The following CCP110 variants were observed in gnomAD, a reference collection of about 807,000 sequenced individuals.
CCP110 encodes centriolar coiled-coil protein 110.
A neutral mutation model predicts 105.5 loss-of-function variants in CCP110; 43 were observed. That is an observed-to-expected ratio of 0.41 (90% CI 0.32 to 0.53). The LOEUF (loss-of-function observed/expected upper bound fraction) is 0.53. Ranked by LOEUF, CCP110 falls within the 20% of genes least tolerant of loss-of-function variation. The pLI is 0.32. For missense variants in CCP110, 1,016 were observed against 1,189.1 expected (o/e 0.85, Z 2.14); for synonymous variants, 353 against 392.1 (o/e 0.90, Z 1.18).
At position 19,536,798 on chromosome 16, in the gene CCP110, CG is replaced by C; in HGVS notation, c.1130del (p.Arg377GlnfsTer14). On this transcript the variant is annotated frameshift_variant, in exon 4 of 15. Transcript: ENST00000381396. LOFTEE classifies it high-confidence loss of function. The stretch of plus-strand genomic sequence containing the variant: ...GCCAAGTATGAGTCCTAAAATGCAC[CG>C]AAGACGTTCCAGGACATCATCAGCG... The C allele has an allele frequency of 6.2e-7, 1 of 1,614,022 alleles. No individual in the cohort carries two copies. The highest frequency in any genetic ancestry group is 8.5e-7 in the Non-Finnish European group (1 of 1,180,022).
intron 1 of CCP110, chr16:19,525,810 G>A (rs1969650955): frequency 6.6e-6 from 1 of 152,586 alleles, no homozygotes; most frequent in African/African-American, 2.4e-5. Flanking sequence ...ACATTTTGGT[G>A]GAGGAAGACA....
At chr16:19,524,167 G>C (rs1969584236) in intron 1 of CCP110, 79 bp downstream of exon 1, 1 of 152,934 alleles carries the variant, frequency 6.5e-6, no homozygotes, top group Non-Finnish European at 1.5e-5. Flanking sequence ...TTGGCGCCCT[G>C]AGAAGCTGAG....
chr16:19,549,726 T>C (rs958804372), intron 14 of CCP110, among the ~76,000 whole-genome samples: 2 of 152,214 alleles, frequency 1.3e-5, no homozygotes, highest in Non-Finnish European at 2.9e-5. Context: ...TCTGTTTTTC[T>C]CATGTTAGTA....
At chr16:19,552,129 A>G (rs771493720) in exon 15 of CCP110, 1 of 152,212 alleles carries the variant, frequency 6.6e-6, no homozygotes, top group Non-Finnish European at 1.5e-5. Context: ...ATAAAGGGCT[A>G]TATAATAATA....
At chr16:19,530,256 A>G (rs1969816833) in intron 2 of CCP110, among the ~76,000 whole-genome samples, 1 of 152,204 alleles carries the variant, frequency 6.6e-6, no homozygotes, top group Non-Finnish European at 1.5e-5. Flanking sequence ...ATTGTCTTGT[A>G]GAATTCCTTA....
At chr16:19,528,362 G>A (rs148245097) in intron 2 of CCP110, among the ~76,000 whole-genome samples, 1 of 152,280 alleles carries the variant, frequency 6.6e-6, no homozygotes, top group East Asian at 1.9e-4. Flanking sequence ...AATTATATGT[G>A]AGCCCAAAGA....
chr16:19,548,435 G>A lies in CCP110; in HGVS notation c.2901-80G>A. The A allele has an allele frequency of 5.8e-6, 5 of 868,208 alleles. No homozygotes were observed. The highest frequency in any genetic ancestry group is 9.0e-6 in the Non-Finnish European group (5 of 554,930). The allele number at this position is 868,208 out of a possible 1,614,324, so 53.8% of individuals were successfully genotyped here. ...CTTATTTGTGCTTTGGACAGTTGAT[G>A]CAATGTGATTGCTTTCTTTGAATTT... On this transcript the variant is annotated intron_variant, in intron 13 of 14. Coordinates refer to ENST00000381396, the Ensembl canonical transcript of CCP110. The surrounding 1 kb of genome is among the most constrained non-coding windows in gnomAD (Gnocchi z 4.1).
chr16:19,548,926 G>A lies in CCP110; in HGVS notation c.2986+326G>A, dbSNP rs2151485034. On this transcript the variant is annotated intron_variant, in intron 14 of 14. Coordinates refer to ENST00000381396, the Ensembl canonical transcript of CCP110. This position sits in a 1 kb window ranked among gnomAD's most constrained non-coding sequence, Gnocchi z 4.1. Reference sequence around the variant, plus strand: ...GAATAAAAGATAACGATCATCTCTGGTGCTAAGTCTGTGCATTGTCTGTTC... The same window carrying A: ...GAATAAAAGATAACGATCATCTCTGATGCTAAGTCTGTGCATTGTCTGTTC... Among the ~76,000 whole-genome samples, 1 of 152,190 alleles carries A rather than the reference G, an allele frequency of 6.6e-6. No homozygotes were observed. Among genetic ancestry groups the A allele is most frequent in the East Asian group, 1.9e-4 (1 of 5,184 alleles).
At chr16:19,547,807 G>A (rs1970511950) in intron 12 of CCP110, 148 bp from the exon 13 acceptor site, 6 of 620,866 alleles carry the variant, frequency 9.7e-6, no homozygotes, top group Non-Finnish European at 1.7e-5. Flanking sequence ...TGCTTTAGTC[G>A]ATTTGCTCTG....
chr16:19,527,784 T>A (rs1969724021), intron 1 of CCP110, 83 bp from the exon 2 acceptor site: 1 of 1,039,208 alleles, frequency 9.6e-7, no homozygotes, highest in Non-Finnish European at 1.4e-6. Context: ...TTATAGGGAC[T>A]CTCTCATGCT....
At position 19,527,972 on chromosome 16, in the gene CCP110, GA is replaced by G; in HGVS notation, c.94del (p.Ser32ValfsTer35). On this transcript the variant is annotated frameshift_variant, in exon 2 of 15. Transcript: ENST00000381396. LOFTEE classifies it high-confidence loss of function. ...AGAGAGCTTTCTCCCTGCTCAGTCT[GA>G]AAGTATCTCACTTATTCGCTTTCAT... The G allele has an allele frequency of 6.2e-7, 1 of 1,613,614 alleles. No individual in the cohort carries two copies. Among genetic ancestry groups the G allele is most frequent in the Non-Finnish European group, 8.5e-7 (1 of 1,179,722 alleles).
chr16:19,546,532 AT>A, intron 12 of CCP110, 58 bp downstream of exon 12: 1 of 1,072,208 alleles, frequency 9.3e-7, no homozygotes. Context: ...GAAAAAAAAA[AT>A]TGGCTGGGCA....
In CCP110 at chr16:19,548,189, G is replaced by T. The variant is rs1970524278; in HGVS notation, c.2900+175G>T. 1 of 642,718 alleles carries T rather than the reference G, an allele frequency of 1.6e-6. No individual in the cohort carries two copies. The highest frequency in any genetic ancestry group is 1.8e-5 in the African/African-American group (1 of 54,776). 39.8% of individuals were successfully genotyped at this position (642,718 alleles called of 1,614,324 possible). A position where few individuals can be genotyped will look rare whatever the true frequency, so the allele number is the denominator to read the frequency against. ...TTTGTCTTCAAATGTAACCCTCTTGGTGTACTGTTGTGTATTCTAATTACT... is the reference window on the plus strand; with the variant it reads ...TTTGTCTTCAAATGTAACCCTCTTGTTGTACTGTTGTGTATTCTAATTACT... On this transcript the variant is annotated intron_variant, in intron 13 of 14. Transcript: ENST00000381396. The surrounding 1 kb of genome is among the most constrained non-coding windows in gnomAD (Gnocchi z 4.1).
rs575113690 is a variant in CCP110 at position 19,551,386 on chromosome 16, A to G, written c.*138A>G. On this transcript the variant is annotated 3_prime_UTR_variant, in exon 15 of 15. Transcript: ENST00000381396. ...AGAAGGCTGAGCACTTATCTGGATC[A>G]TTTGGTCAGTTTGGTAATTCCTGCT... The G allele has an allele frequency of 1.4e-5, 11 of 766,374 alleles. No homozygotes were observed. In the Admixed American group the frequency reaches 2.0e-4, roughly 14 times the overall value. 47.5% of individuals were successfully genotyped at this position (766,374 alleles called of 1,614,324 possible).
chr16:19,549,343 A>G (rs971314344), intron 14 of CCP110, among the ~76,000 whole-genome samples: 2 of 152,250 alleles, frequency 1.3e-5, no homozygotes, highest in Non-Finnish European at 2.9e-5. Flanking sequence ...ATTAATCACC[A>G]GGCATTGAAG....
Position 19,527,957 on chromosome 16 carries a change from C to CT in CCP110, c.77dup (p.Ala28CysfsTer4). The stretch of plus-strand genomic sequence containing the variant: ...AGCATCACTATCCACAGAGAGCTTT[C>CT]TCCCTGCTCAGTCTGAAAGTATCTC... On this transcript the variant is annotated frameshift_variant, in exon 2 of 15. Coordinates refer to ENST00000381396, the Ensembl canonical transcript of CCP110. LOFTEE classifies it high-confidence loss of function. The CT allele has an allele frequency of 2.5e-6, 4 of 1,613,746 alleles. No individual in the cohort carries two copies. Among genetic ancestry groups the CT allele is most frequent in the Non-Finnish European group, 3.4e-6 (4 of 1,179,728 alleles).
intron 10 of CCP110, among the ~76,000 whole-genome samples, 158 bp downstream of exon 10, chr16:19,545,368 T>G (rs530370886): frequency 1.3e-5 from 2 of 152,356 alleles, no homozygotes; most frequent in South Asian, 4.1e-4. Context: ...TAGACAGATT[T>G]AAAAGAATTA....
chr16:19,530,442 C>T (rs959305603), intron 2 of CCP110, among the ~76,000 whole-genome samples: 25 of 151,992 alleles, frequency 1.6e-4, no homozygotes, highest in African/African-American at 5.8e-4. Context: ...CTTTGGGAGG[C>T]TGAGACCAGC....
intron 12 of CCP110, chr16:19,547,386 C>T (rs899133028): frequency 1.3e-5 from 2 of 152,592 alleles, no homozygotes; most frequent in Admixed American, 6.6e-5. Context: ...GTACTCCATC[C>T]TGGGCGACAG....
Sources: gnomAD v4.1 joint callset for allele counts (sites outside exome capture counted in the v4.1 genomes callset) on GRCh38, gnomAD v4.1.1 for gene constraint, Gnocchi (gnomAD v3.1) non-coding constraint, MANE v1.5 for transcripts, NCBI Gene and HGNC (gene_info 2026-07-23, HGNC 2026-07-21) for gene names.